NALF1: variants seen among roughly 807,000 people sequenced by gnomAD.
NALF1 encodes NALCN channel auxiliary factor 1, also known as family with sequence similarity 155 member A.
Under a neutral mutation model 48.4 loss-of-function variants are expected in NALF1, and 3 were observed. That is an observed-to-expected ratio of 0.06 (90% CI 0.03 to 0.16). NALF1 has a LOEUF of 0.16. NALF1 is among the 10% of genes least tolerant of loss of function. The pLI is 1.00. For missense variants in NALF1, 526 were observed against 571.5 expected, an observed-to-expected ratio of 0.92 and a Z score of 0.81; for synonymous variants, 262 against 245.7, an observed-to-expected ratio of 1.07 and a Z score of -0.62.
At chr13:107,316,332 A>G (rs1196871438) in intron 1 of NALF1, among the ~76,000 whole-genome samples, 3 of 150,404 alleles carry the variant, frequency 2.0e-5, no homozygotes, top group Non-Finnish European at 4.4e-5. Context: ...AGTCTTCGCT[A>G]TTGTGAATAG....
chr13:107,753,982 G>C (rs950080242), intron 1 of NALF1, among the ~76,000 whole-genome samples: 1 of 152,128 alleles, frequency 6.6e-6, no homozygotes, highest in Non-Finnish European at 1.5e-5. Flanking sequence ...GTGCTAAAAA[G>C]AGGTACTGAC....
chr13:107,258,352 A>G (rs757391463), intron 1 of NALF1, among the ~76,000 whole-genome samples: 27 of 152,202 alleles, frequency 1.8e-4, no homozygotes, highest in Non-Finnish European at 3.7e-4. Context: ...ACAATGAAGG[A>G]TCTAACTCAT....
intron 1 of NALF1, among the ~76,000 whole-genome samples, chr13:107,437,820 T>C (rs917720121): frequency 6.6e-6 from 1 of 152,144 alleles, no homozygotes; most frequent in African/African-American, 2.4e-5. Context: ...AACTTAAGAT[T>C]TGTGCACCAC....
intron 2 of NALF1, among the ~76,000 whole-genome samples, chr13:107,208,856 T>A (rs1430521968): frequency 1.3e-5 from 2 of 152,116 alleles, no homozygotes; most frequent in African/African-American, 4.8e-5. Context: ...CCTTCCCTTA[T>A]TCCTTCTTTC....
intron 1 of NALF1, among the ~76,000 whole-genome samples, chr13:107,614,234 T>C (rs994065876): frequency 6.6e-6 from 1 of 152,174 alleles, no homozygotes; most frequent in African/African-American, 2.4e-5. Context: ...CTAAAAGTGA[T>C]CATTTTAAGC....
chr13:107,213,332 G>A (rs766512799), intron 1 of NALF1, among the ~76,000 whole-genome samples: 23 of 149,808 alleles, frequency 1.5e-4, no homozygotes, highest in Non-Finnish European at 8.9e-5. Flanking sequence ...AAAAGTGATC[G>A]AGCATCATTT....
chr13:107,521,083 T>C (rs1876222666), intron 1 of NALF1, among the ~76,000 whole-genome samples: 1 of 152,238 alleles, frequency 6.6e-6, no homozygotes. Flanking sequence ...GAAGTGATTT[T>C]GCATTCACAC....
At chr13:107,665,981 T>C (rs909494700) in intron 1 of NALF1, among the ~76,000 whole-genome samples, 3 of 152,074 alleles carry the variant, frequency 2.0e-5, no homozygotes, top group Non-Finnish European at 4.4e-5. Context: ...TCTTTAAAGA[T>C]TTTTTTAAAA....
chr13:107,542,185 G>A (rs1394835612), intron 1 of NALF1, among the ~76,000 whole-genome samples: 1 of 152,058 alleles, frequency 6.6e-6, no homozygotes, highest in Non-Finnish European at 1.5e-5. Context: ...GCTACCACCT[G>A]GATGAACTTG....
intron 1 of NALF1, among the ~76,000 whole-genome samples, chr13:107,485,007 G>A (rs7338034): frequency 0.65 from 99,364 of 152,010 alleles, 34,037 homozygotes; most frequent in Middle Eastern, 0.82. Context: ...AATTCTGCTT[G>A]TGTTTATAAC....
chr13:107,358,459 T>C (rs1398225128), intron 1 of NALF1, among the ~76,000 whole-genome samples: 1 of 152,198 alleles, frequency 6.6e-6, no homozygotes, highest in Admixed American at 6.5e-5. Flanking sequence ...AAATATATTT[T>C]TAACCTCATT....
intron 1 of NALF1, among the ~76,000 whole-genome samples, chr13:107,505,886 A>C (rs1171835552): frequency 6.6e-6 from 1 of 152,178 alleles, no homozygotes; most frequent in Admixed American, 6.6e-5. Flanking sequence ...CCACTATATT[A>C]AAAACTCGGT....
chr13:107,199,897 G>C (rs2138792759), intron 2 of NALF1, among the ~76,000 whole-genome samples: 1 of 152,342 alleles, frequency 6.6e-6, no homozygotes, highest in African/African-American at 2.4e-5. Flanking sequence ...ATTGCAGGCT[G>C]TGCAGAGCAT....
intron 1 of NALF1, among the ~76,000 whole-genome samples, chr13:107,357,570 G>A (rs547971911): frequency 6.6e-6 from 1 of 152,156 alleles, no homozygotes; most frequent in African/African-American, 2.4e-5. Context: ...TTCAGAGAGA[G>A]AGAAATTACT....
chr13:107,818,871 C>CAAAAAAAAAAAAAAAAAAAAA (rs774372636), intron 1 of NALF1, among the ~76,000 whole-genome samples: 2 of 73,820 alleles, frequency 2.7e-5, no homozygotes, highest in African/African-American at 8.4e-5. Flanking sequence ...GACTCCGTCT[C>CAAAAAAAAAAAAAAAAAAAAA]AAAAAAAAAA....
intron 1 of NALF1, among the ~76,000 whole-genome samples, chr13:107,370,579 C>T (rs1044655490): frequency 6.6e-5 from 10 of 152,260 alleles, no homozygotes; most frequent in African/African-American, 2.4e-4. Context: ...TTTTAAAATT[C>T]TTAATTTATC....
chr13:107,603,782 G>C (rs1486238683), intron 1 of NALF1, among the ~76,000 whole-genome samples: 1 of 152,124 alleles, frequency 6.6e-6, no homozygotes, highest in Non-Finnish European at 1.5e-5. Context: ...AATGCCAGCA[G>C]GATTCTGGTG....
At chr13:107,845,374 A>T (rs745748742) in intron 1 of NALF1, among the ~76,000 whole-genome samples, 2 of 152,116 alleles carry the variant, frequency 1.3e-5, no homozygotes, top group African/African-American at 2.4e-5. Context: ...TGTGCTGTGG[A>T]ATGAGTCTAC....
chr13:107,680,837 TGA>T (rs61054471), intron 1 of NALF1, among the ~76,000 whole-genome samples: 2,186 of 150,712 alleles, frequency 0.015, 53 homozygotes, highest in African/African-American at 0.049. Flanking sequence ...TGAATGTGCA[TGA>T]GAGTGTAAGA....
Sources: gnomAD v4.1 joint callset for allele counts (sites outside exome capture counted in the v4.1 genomes callset) on GRCh38, gnomAD v4.1.1 for gene constraint, MANE v1.5 for transcripts, NCBI Gene and HGNC (gene_info 2026-07-23, HGNC 2026-07-21) for gene names.